The following PCDH10 variants were observed in gnomAD, a reference collection of about 807,000 sequenced individuals.
PCDH10 encodes the protein protocadherin 10.
In PCDH10, 15 loss-of-function variants were observed where a neutral mutation model predicts 74.4. That is an observed-to-expected ratio of 0.20 (90% CI 0.13 to 0.31). The LOEUF (loss-of-function observed/expected upper bound fraction) is 0.31. Among genes scored for constraint, PCDH10 ranks in the 10% least tolerant of loss-of-function variants. The pLI, the probability that PCDH10 is intolerant of heterozygous loss-of-function variation, is 1.00. For missense variants in PCDH10, 1,260 were observed against 1,390.2 expected, an observed-to-expected ratio of 0.91 and a Z score of 1.49; for synonymous variants, 619 against 589.8, an observed-to-expected ratio of 1.05 and a Z score of -0.72.
intron 2 of PCDH10, among the ~76,000 whole-genome samples, chr4:133,207,650 C>G (rs1728035994): frequency 6.6e-6 from 1 of 151,776 alleles, no homozygotes; most frequent in Admixed American, 6.6e-5. Context: ...CTGTACTCAT[C>G]AATTACAAGT....
At position 133,151,395 on chromosome 4, in the gene PCDH10, G is replaced by A. The variant is rs773581880; in HGVS notation, c.1255G>A (p.Ala419Thr). The change falls in exon 1 of 5, where the codon GCC (alanine) becomes ACC (threonine). Residue 419 changes from alanine to threonine, a missense_variant. Transcript: ENST00000264360. ...FKNYYTIVTE[A>T]PLDREAGDSY... Reference sequence around the variant, plus strand: ...GAATTACTACACCATCGTTACCGAAGCCCCCCTGGACCGAGAGGCGGGGGA... The same window carrying A: ...GAATTACTACACCATCGTTACCGAAACCCCCCTGGACCGAGAGGCGGGGGA... The A allele has an allele frequency of 6.2e-7, 1 of 1,614,116 alleles. No individual in the cohort carries two copies. Among genetic ancestry groups the A allele is most frequent in the South Asian group, 1.1e-5 (1 of 91,090 alleles).
At chr4:133,161,499 T>C in intron 3 of PCDH10, among the ~76,000 whole-genome samples, 1 of 152,070 alleles carries the variant, frequency 6.6e-6, no homozygotes, top group Non-Finnish European at 1.5e-5. Flanking sequence ...TATATATAAA[T>C]CAATATGTAA....
At chr4:133,201,246 T>C (rs1366370164) in intron 2 of PCDH10, among the ~76,000 whole-genome samples, 1 of 152,070 alleles carries the variant, frequency 6.6e-6, no homozygotes, top group Middle Eastern at 3.2e-3. Flanking sequence ...TAGTGAAACA[T>C]TGAAAGAAAA....
chr4:133,149,715 C>T lies in PCDH10; in HGVS notation c.-426C>T, dbSNP rs1420705555. ...TCTCCTCTTCCTCTTCTTCTTCTTC[C>T]TCCTCCTCCTCCTCTTTTTCCTCCT... On this transcript the variant is annotated 5_prime_UTR_variant, in exon 1 of 5. Transcript: ENST00000264360. The T allele has an allele frequency of 1.9e-5, 3 of 160,776 alleles. No individual in the cohort carries two copies. Among genetic ancestry groups the T allele is most frequent in the Non-Finnish European group, 2.7e-5 (2 of 73,064 alleles). The allele number at this position is 160,776 out of a possible 1,614,324, so 10.0% of individuals were successfully genotyped here. A position where few individuals can be genotyped will look rare whatever the true frequency, so the allele number is the denominator to read the frequency against.
intron 3 of PCDH10, among the ~76,000 whole-genome samples, chr4:133,159,573 T>C (rs1726925056): frequency 6.6e-6 from 1 of 151,970 alleles, no homozygotes; most frequent in Non-Finnish European, 1.5e-5. Flanking sequence ...GATGTGAAAT[T>C]ATCTAATGAG....
At chr4:133,206,701 C>A (rs1285862865) in intron 2 of PCDH10, among the ~76,000 whole-genome samples, 1 of 151,778 alleles carries the variant, frequency 6.6e-6, no homozygotes, top group Non-Finnish European at 1.5e-5. Context: ...AATTTTTTTT[C>A]ACATTCATAA....
intron 2 of PCDH10, among the ~76,000 whole-genome samples, chr4:133,202,057 A>G (rs1281590000): frequency 6.6e-6 from 1 of 152,102 alleles, no homozygotes; most frequent in Non-Finnish European, 1.5e-5. Flanking sequence ...AAGCCTTGGC[A>G]TCAGTTTATA....
intron 4 of PCDH10, among the ~76,000 whole-genome samples, chr4:133,175,083 A>G (rs548782233): frequency 6.6e-6 from 1 of 152,070 alleles, no homozygotes; most frequent in South Asian, 2.1e-4. Flanking sequence ...ATATAGAGAA[A>G]GATTACCTTT....
intron 4 of PCDH10, among the ~76,000 whole-genome samples, chr4:133,183,343 A>G (rs576883777): frequency 6.6e-6 from 1 of 152,226 alleles, no homozygotes; most frequent in South Asian, 2.1e-4. Flanking sequence ...TTTGATTTAC[A>G]CATACACATA....
chr4:133,191,944 A>G lies in PCDH10; in HGVS notation c.*1784A>G, dbSNP rs929815292. 7.6e-6 allele frequency: 1 copy of G among 131,432 alleles called. No homozygotes were observed. The highest frequency in any genetic ancestry group is 2.2e-4 in the East Asian group (1 of 4,566). 8.1% of individuals were successfully genotyped at this position (131,432 alleles called of 1,614,324 possible). ...TAAGTGGAAATTTTTCCCTAGATTT[A>G]ACTTTAAAATACATATATATACACA... On this transcript the variant is annotated 3_prime_UTR_variant, in exon 5 of 5. Transcript: ENST00000264360.
At position 133,190,561 on chromosome 4, in the gene PCDH10, A is replaced by AT. The variant is rs1168282162; in HGVS notation, c.*406dup. Reference sequence around the variant, plus strand: ...GTTTTAAACTTGACTGTTTTATATTATTTTTGTGTGATCAAGTGTTCCGCA... The same window carrying AT: ...GTTTTAAACTTGACTGTTTTATATTATTTTTTGTGTGATCAAGTGTTCCGCA... On this transcript the variant is annotated 3_prime_UTR_variant, in exon 5 of 5. Transcript: ENST00000264360. The AT allele has an allele frequency of 1.8e-5, 3 of 167,794 alleles. No individual in the cohort carries two copies. The highest frequency in any genetic ancestry group is 3.3e-4 in the East Asian group (2 of 6,110). 10.4% of individuals were successfully genotyped at this position (167,794 alleles called of 1,614,324 possible).
intron 4 of PCDH10, among the ~76,000 whole-genome samples, chr4:133,169,545 T>G (rs1476748108): frequency 6.6e-6 from 1 of 151,906 alleles, no homozygotes; most frequent in Admixed American, 6.6e-5. Flanking sequence ...GTTTTCATCC[T>G]CTTTCTTATT....
chr4:133,154,673 TG>T (rs1203408421), intron 2 of PCDH10, among the ~76,000 whole-genome samples: 3 of 152,226 alleles, frequency 2.0e-5, no homozygotes, highest in Admixed American at 6.5e-5. Flanking sequence ...GATATAAACA[TG>T]TATTTAGCTC....
At position 133,153,083 on chromosome 4, in the gene PCDH10, T is replaced by C. The variant is rs1055148836; in HGVS notation, c.2631+312T>C. The C allele has an allele frequency of 3.7e-6, 5 of 1,343,024 alleles. No individual in the cohort carries two copies. The Admixed American group carries it at 1.1e-4, about 29-fold the overall frequency. 83.2% of individuals were successfully genotyped at this position (1,343,024 alleles called of 1,614,324 possible). A position where few individuals can be genotyped will look rare whatever the true frequency, so the allele number is the denominator to read the frequency against. Reference sequence around the variant, plus strand: ...CAGTAACCTGGGCATGAAGGGAAACTGCGTGAAGGGAGAGGGAAATGTGGA... The same window carrying C: ...CAGTAACCTGGGCATGAAGGGAAACCGCGTGAAGGGAGAGGGAAATGTGGA... On this transcript the variant is annotated intron_variant, in intron 1 of 4. Coordinates refer to ENST00000264360, the MANE Select transcript of PCDH10 (RefSeq NM_032961.3).
chr4:133,203,759 G>T (rs763168673), intron 2 of PCDH10, among the ~76,000 whole-genome samples: 1 of 152,074 alleles, frequency 6.6e-6, no homozygotes, highest in Non-Finnish European at 1.5e-5. Flanking sequence ...ATCACTCTTG[G>T]TGCAGACCTT....
rs376678550 is a variant in PCDH10 at position 133,176,063 on chromosome 4, G to C, written c.3103+12781G>C. On this transcript the variant is annotated intron_variant, in intron 4 of 4. Coordinates refer to ENST00000264360, the MANE Select transcript of PCDH10 (RefSeq NM_032961.3). Reference sequence around the variant, plus strand: ...TGCTTTCAGAATAGGTTTTCCCTAAGCATCACTAATTTTACCATTTTGACT... The same window carrying C: ...TGCTTTCAGAATAGGTTTTCCCTAACCATCACTAATTTTACCATTTTGACT... Among the ~76,000 whole-genome samples, 49 of 152,124 alleles carry C rather than the reference G, an allele frequency of 3.2e-4. 1 individual carries two copies. The East Asian group carries it at 8.3e-3, about 26-fold the overall frequency.
chr4:133,177,792 G>A (rs1483869983), intron 4 of PCDH10, among the ~76,000 whole-genome samples: 1 of 152,046 alleles, frequency 6.6e-6, no homozygotes, highest in African/African-American at 2.4e-5. Context: ...AAATGCACTA[G>A]TTTTCAATGA....
intron 4 of PCDH10, among the ~76,000 whole-genome samples, chr4:133,186,945 T>A (rs1727551880): frequency 3.9e-5 from 6 of 152,154 alleles, no homozygotes; most frequent in Admixed American, 2.0e-4. Context: ...CTCAAACTCC[T>A]GGGCTCAAGT....
downstream of PCDH10, among the ~76,000 whole-genome samples, chr4:133,198,041 A>C (rs1455476637): frequency 6.6e-6 from 1 of 151,292 alleles, no homozygotes; most frequent in Non-Finnish European, 1.5e-5. Context: ...CATATGAAAG[A>C]ATACATGAAA....
Sources: allele counts gnomAD v4.1 joint callset (sites outside exome capture counted in the v4.1 genomes callset), GRCh38; gene constraint gnomAD v4.1.1; transcripts MANE v1.5; gene names NCBI Gene and HGNC (gene_info 2026-07-23, HGNC 2026-07-21).